TTC7B: variants seen among roughly 807,000 people sequenced by gnomAD.
TTC7B encodes tetratricopeptide repeat domain 7B.
TTC7B carries 28 observed loss-of-function variants against 106.8 expected under a neutral mutation model. The observed-to-expected ratio is 0.26, with a 90% CI of 0.19 to 0.36. The LOEUF is 0.36. Ranked by LOEUF, TTC7B falls within the 10% of genes least tolerant of loss-of-function variation. The pLI, the probability that TTC7B is intolerant of heterozygous loss-of-function variation, is 1.00. For synonymous variants in TTC7B, 405 were observed against 430.6 expected (o/e 0.94, Z 0.74); for missense variants, 862 against 1,076.4 (o/e 0.80, Z 2.79).
At position 90,599,199 on chromosome 14, in the gene TTC7B, G is replaced by A. The variant is rs1399320821; in HGVS notation, c.1967-5573C>T. On this transcript the variant is annotated intron_variant, in intron 17 of 19. Coordinates refer to ENST00000328459, the MANE Select transcript of TTC7B (RefSeq NM_001010854.2). ...AAAAGCATAACTGATAAATTAAGTG[G>A]CTTAGTTATGCTTCATATCCCTGTA... Among the ~76,000 whole-genome samples, 3 of 152,144 alleles carry A rather than the reference G, an allele frequency of 2.0e-5. No homozygotes were observed. The East Asian group carries it at 5.8e-4, about 29-fold the overall frequency.
chr14:90,666,746 CAG>C (rs76576505), intron 9 of TTC7B, among the ~76,000 whole-genome samples: 8,006 of 152,312 alleles, frequency 0.053, 263 homozygotes, highest in East Asian at 0.12. Flanking sequence ...AGGGAAGTCT[CAG>C]AGTTTTATTG....
At chr14:90,676,832 G>A (rs147904680) in intron 8 of TTC7B, among the ~76,000 whole-genome samples, 172 bp from the exon 9 acceptor site, 295 of 152,228 alleles carry the variant, frequency 1.9e-3, no homozygotes, top group Non-Finnish European at 3.4e-3. Flanking sequence ...CCTGGGCACC[G>A]CAGAACATGA....
At chr14:90,635,907 G>A (rs1040540848) in intron 15 of TTC7B, among the ~76,000 whole-genome samples, 1 of 151,860 alleles carries the variant, frequency 6.6e-6, no homozygotes, top group Non-Finnish European at 1.5e-5. Context: ...ATCTCTTGAG[G>A]TCAGGAGTTC....
chr14:90,643,433 T>C (rs1885274800), intron 15 of TTC7B, among the ~76,000 whole-genome samples: 1 of 152,076 alleles, frequency 6.6e-6, no homozygotes, highest in African/African-American at 2.4e-5. Context: ...TGTATAACTA[T>C]TAAAAATGTT....
intron 3 of TTC7B, among the ~76,000 whole-genome samples, chr14:90,774,040 C>T (rs188661631): frequency 5.3e-5 from 8 of 152,356 alleles, no homozygotes; most frequent in Admixed American, 2.6e-4. Context: ...CTGCTGTGGA[C>T]ATCTGTCATG....
chr14:90,625,419 A>G (rs1222061486), intron 15 of TTC7B, among the ~76,000 whole-genome samples: 2 of 151,956 alleles, frequency 1.3e-5, no homozygotes, highest in African/African-American at 4.8e-5. Context: ...CATTTTCACC[A>G]CCATTTCTGA....
At chr14:90,655,327 C>T (rs1387496864) in intron 11 of TTC7B, among the ~76,000 whole-genome samples, 1 of 152,176 alleles carries the variant, frequency 6.6e-6, no homozygotes, top group Non-Finnish European at 1.5e-5. Flanking sequence ...GTTTTTCTTA[C>T]TGCTTATTTG....
intron 1 of TTC7B, among the ~76,000 whole-genome samples, chr14:90,787,026 C>T (rs1891416850): frequency 6.6e-6 from 1 of 152,188 alleles, no homozygotes; most frequent in South Asian, 2.1e-4. Context: ...ATGAAATCCC[C>T]AGCTCTGGTG....
chr14:90,791,380 T>C (rs1176546601), intron 1 of TTC7B, among the ~76,000 whole-genome samples: 1 of 152,078 alleles, frequency 6.6e-6, no homozygotes, highest in African/African-American at 2.4e-5. Context: ...CAATAAATGG[T>C]GAATTAATTA....
At chr14:90,652,768 T>G (rs542279163) in intron 13 of TTC7B, 73 bp downstream of exon 13, 2 of 1,526,062 alleles carry the variant, frequency 1.3e-6, no homozygotes, top group East Asian at 4.5e-5. Flanking sequence ...TTTATAAATA[T>G]CTCTTCTTTT....
rs1320788365 is a variant in TTC7B at position 90,624,835 on chromosome 14, G to GT, written c.1752-6791dup. 6.6e-6 allele frequency among the ~76,000 whole-genome samples: 1 copy of GT among 152,192 alleles called. No homozygotes were observed. The highest frequency in any genetic ancestry group is 1.9e-4 in the East Asian group (1 of 5,200). On this transcript the variant is annotated intron_variant, in intron 15 of 19. Coordinates refer to ENST00000328459, the MANE Select transcript of TTC7B (RefSeq NM_001010854.2). This position sits in a 1 kb window ranked among gnomAD's most constrained non-coding sequence, Gnocchi z 4.0. ...ACATCACGGGAACCTTGAACATTTC[G>GT]TATCTTGTGCTGATCTGTGTTTGCG...
At chr14:90,720,975 G>A (rs2139978707) in intron 5 of TTC7B, among the ~76,000 whole-genome samples, 1 of 151,946 alleles carries the variant, frequency 6.6e-6, no homozygotes, top group South Asian at 2.1e-4. Flanking sequence ...CTCCACTCCT[G>A]CTCCCATTAA....
At position 90,805,395 on chromosome 14, in the gene TTC7B, C is replaced by T. The variant is rs150734956; in HGVS notation, c.121+10780G>A. Among the ~76,000 whole-genome samples the T allele has an allele frequency of 1.3e-3, 204 of 152,302 alleles. 1 individual carries two copies. Among genetic ancestry groups the T allele is most frequent in the African/African-American group, 4.5e-3 (185 of 41,564 alleles). On this transcript the variant is annotated intron_variant, in intron 1 of 19. Transcript: ENST00000328459. This position sits in a 1 kb window ranked among gnomAD's most constrained non-coding sequence, Gnocchi z 4.0. ...TCTCCTGCCTCAGCCTCCCGCGTAG[C>T]TGCGATTACAGGCGTGTACCACAAT...
At chr14:90,810,894 G>A (rs2030864145) in intron 1 of TTC7B, among the ~76,000 whole-genome samples, 1 of 152,226 alleles carries the variant, frequency 6.6e-6, no homozygotes, top group Non-Finnish European at 1.5e-5. Flanking sequence ...AAGGTGCACA[G>A]ACAATAAGCA....
At chr14:90,605,623 G>C in intron 17 of TTC7B, 2 of 1,287,578 alleles carry the variant, frequency 1.6e-6, no homozygotes, top group South Asian at 2.5e-5. Context: ...GCGGGGACCT[G>C]CGTCACTGAA....
intron 2 of TTC7B, 62 bp downstream of exon 2, chr14:90,786,112 C>T: frequency 6.8e-7 from 1 of 1,462,732 alleles, no homozygotes; most frequent in South Asian, 1.4e-5. Flanking sequence ...CAACCCTGGG[C>T]ACCCTTCTCA....
At chr14:90,668,342 G>C (rs770169144) in intron 9 of TTC7B, among the ~76,000 whole-genome samples, 1 of 152,174 alleles carries the variant, frequency 6.6e-6, no homozygotes, top group Non-Finnish European at 1.5e-5. Context: ...TGAGGTAGGA[G>C]CTCAGAGTAG....
chr14:90,632,087 T>G (rs999136223), intron 15 of TTC7B, among the ~76,000 whole-genome samples: 3 of 152,210 alleles, frequency 2.0e-5, no homozygotes, highest in African/African-American at 7.2e-5. Context: ...AACTCGCCTG[T>G]GTCCAAAGGC....
chr14:90,794,373 C>A (rs1335319068), intron 1 of TTC7B, among the ~76,000 whole-genome samples: 3 of 151,676 alleles, frequency 2.0e-5, no homozygotes, highest in Admixed American at 6.6e-5. Flanking sequence ...ACTACAGGCG[C>A]CTGCCACCAC....
Sources: gnomAD v4.1 joint callset for allele counts (sites outside exome capture counted in the v4.1 genomes callset) on GRCh38, gnomAD v4.1.1 for gene constraint, Gnocchi (gnomAD v3.1) non-coding constraint, MANE v1.5 for transcripts, NCBI Gene and HGNC (gene_info 2026-07-23, HGNC 2026-07-21) for gene names.